NKAIN2: variants seen among roughly 807,000 people sequenced by gnomAD.
NKAIN2 encodes sodium/potassium transporting ATPase interacting 2.
A neutral mutation model predicts 32.6 loss-of-function variants in NKAIN2; 14 were observed. The ratio of observed to expected loss-of-function variants is 0.43; its 90% CI spans 0.28 to 0.67. NKAIN2 has a LOEUF of 0.67. Among genes scored for constraint, NKAIN2 ranks in the 30% least tolerant of loss-of-function variants. NKAIN2 has a pLI of 0.17. For missense variants in NKAIN2, 198 were observed against 258.3 expected, an observed-to-expected ratio of 0.77 and a Z score of 1.60; for synonymous variants, 80 against 87.2, an observed-to-expected ratio of 0.92 and a Z score of 0.46.
At chr6:124,476,081 T>A (rs1245897024) in intron 3 of NKAIN2, among the ~76,000 whole-genome samples, 2 of 151,024 alleles carry the variant, frequency 1.3e-5, no homozygotes, top group African/African-American at 2.4e-5. Context: ...TGTGTGTGTG[T>A]GTGTGTGTGT....
At chr6:123,890,146 G>T (rs1237037208) in intron 1 of NKAIN2, among the ~76,000 whole-genome samples, 1 of 151,992 alleles carries the variant, frequency 6.6e-6, no homozygotes, top group African/African-American at 2.4e-5. Context: ...ATTACCTCAT[G>T]TAAAAAGACA....
chr6:124,366,291 G>A (rs1799514382), intron 3 of NKAIN2, among the ~76,000 whole-genome samples: 1 of 152,072 alleles, frequency 6.6e-6, no homozygotes, highest in Non-Finnish European at 1.5e-5. Flanking sequence ...CTCTATAGAT[G>A]ATTGGAGAGA....
chr6:124,281,626 A>G (rs1795303313), intron 1 of NKAIN2, among the ~76,000 whole-genome samples: 1 of 152,124 alleles, frequency 6.6e-6, no homozygotes, highest in Non-Finnish European at 1.5e-5. Context: ...GAGAATTACG[A>G]TTTGACTAAG....
intron 1 of NKAIN2, among the ~76,000 whole-genome samples, chr6:124,252,493 C>T (rs1310820165): frequency 6.6e-6 from 1 of 151,986 alleles, no homozygotes; most frequent in Non-Finnish European, 1.5e-5. Flanking sequence ...TGGATAGGCA[C>T]ACATGGGGAC....
chr6:124,694,356 A>G (rs934760921), intron 4 of NKAIN2, among the ~76,000 whole-genome samples: 8 of 152,166 alleles, frequency 5.3e-5, no homozygotes, highest in Non-Finnish European at 1.0e-4. Context: ...TGTTCATTAA[A>G]TCCACCCCCC....
chr6:124,442,480 A>G (rs1775731098), intron 3 of NKAIN2, among the ~76,000 whole-genome samples: 1 of 151,996 alleles, frequency 6.6e-6, no homozygotes, highest in African/African-American at 2.4e-5. Context: ...AGCCATATGA[A>G]TTGAGAGCCA....
chr6:124,726,734 A>T (rs1446335170), intron 4 of NKAIN2, among the ~76,000 whole-genome samples: 1 of 145,178 alleles, frequency 6.9e-6, no homozygotes, highest in Non-Finnish European at 1.5e-5. Context: ...TGAGAGAAGA[A>T]GGCTTCAGAC....
intron 3 of NKAIN2, among the ~76,000 whole-genome samples, chr6:124,484,793 A>G (rs1460570037): frequency 6.6e-6 from 1 of 152,226 alleles, no homozygotes. Context: ...ATGTATGTTT[A>G]TAAATACACA....
chr6:124,342,183 C>T (rs199721811), intron 2 of NKAIN2, among the ~76,000 whole-genome samples: 23 of 151,800 alleles, frequency 1.5e-4, no homozygotes, highest in Admixed American at 9.2e-4. Context: ...AGGCGGATCA[C>T]GAGGTCAGAA....
chr6:124,564,897 A>G (rs1426641280), intron 3 of NKAIN2, among the ~76,000 whole-genome samples: 1 of 152,196 alleles, frequency 6.6e-6, no homozygotes, highest in Non-Finnish European at 1.5e-5. Flanking sequence ...GGTAAATCAG[A>G]CCTAAATATT....
chr6:124,625,658 A>G (rs1236041218), intron 3 of NKAIN2, among the ~76,000 whole-genome samples: 4 of 152,026 alleles, frequency 2.6e-5, no homozygotes, highest in African/African-American at 7.2e-5. Flanking sequence ...TGAAAGGAGG[A>G]GAGAAGTTAT....
intron 1 of NKAIN2, among the ~76,000 whole-genome samples, chr6:124,220,075 T>C (rs1396196423): frequency 6.6e-6 from 1 of 152,182 alleles, no homozygotes; most frequent in Non-Finnish European, 1.5e-5. Flanking sequence ...TCTTGAATTG[T>C]AATTCCCAGG....
chr6:123,838,663 C>T (rs1028512813), intron 1 of NKAIN2, among the ~76,000 whole-genome samples: 9 of 152,078 alleles, frequency 5.9e-5, no homozygotes, highest in Non-Finnish European at 1.3e-4. Context: ...TCTACAGACA[C>T]GCATAAAGTA....
At chr6:123,961,723 G>T (rs1777861267) in intron 1 of NKAIN2, among the ~76,000 whole-genome samples, 1 of 152,168 alleles carries the variant, frequency 6.6e-6, no homozygotes, top group Non-Finnish European at 1.5e-5. Flanking sequence ...ATAGTGTAGG[G>T]CACATTTTTA....
At chr6:123,891,706 A>C (rs1325758178) in intron 1 of NKAIN2, among the ~76,000 whole-genome samples, 1 of 152,184 alleles carries the variant, frequency 6.6e-6, no homozygotes, top group African/African-American at 2.4e-5. Flanking sequence ...GGGCAAAATG[A>C]TCTACGTCGT....
intron 3 of NKAIN2, among the ~76,000 whole-genome samples, chr6:124,596,860 A>G (rs545576462): frequency 4.6e-5 from 7 of 152,294 alleles, no homozygotes; most frequent in Middle Eastern, 3.4e-3. Context: ...AGCCAATGGT[A>G]GAGTTCCAGT....
chr6:124,219,856 A>G (rs530216251), intron 1 of NKAIN2, among the ~76,000 whole-genome samples: 678 of 152,322 alleles, frequency 4.5e-3, no homozygotes, highest in Non-Finnish European at 7.5e-3. Flanking sequence ...GAGATATACT[A>G]ACAAATTAAA....
chr6:123,817,345 C>T (rs954072750), intron 1 of NKAIN2, among the ~76,000 whole-genome samples: 3 of 152,082 alleles, frequency 2.0e-5, no homozygotes, highest in African/African-American at 4.8e-5. Flanking sequence ...GCATACACCC[C>T]GTTTTGACAA....
At chr6:124,125,291 A>C (rs1167477458) in intron 1 of NKAIN2, among the ~76,000 whole-genome samples, 1 of 152,114 alleles carries the variant, frequency 6.6e-6, no homozygotes, top group African/African-American at 2.4e-5. Flanking sequence ...ACGAGTGCAC[A>C]CTGTGGATGT....
Sources: gnomAD v4.1 joint callset for allele counts (sites outside exome capture counted in the v4.1 genomes callset) on GRCh38, gnomAD v4.1.1 for gene constraint, MANE v1.5 for transcripts, NCBI Gene and HGNC (gene_info 2026-07-23, HGNC 2026-07-21) for gene names.